Variants in SPAG1 observed in about 807,000 individuals in gnomAD.
The protein encoded by SPAG1 is sperm associated antigen 1.
Under a neutral mutation model 100.5 loss-of-function variants are expected in SPAG1, and 69 were observed. That is an observed-to-expected ratio of 0.69 (90% CI 0.57 to 0.84). The LOEUF is 0.84. Among genes scored for constraint, SPAG1 ranks in the 40% least tolerant of loss-of-function variants. The pLI, the probability that SPAG1 is intolerant of heterozygous loss-of-function variation, is 0.00. For missense variants in SPAG1, 955 were observed against 1,133.1 expected (o/e 0.84, Z 2.26); for synonymous variants, 336 against 411.6 (o/e 0.82, Z 2.22).
chr8:100,230,181 G>A (rs956616259), intron 14 of SPAG1, among the ~76,000 whole-genome samples: 12 of 152,218 alleles, frequency 7.9e-5, no homozygotes, highest in African/African-American at 2.9e-4. Flanking sequence ...AACCAAAGGA[G>A]CACAGAATGA....
chr8:100,238,619 C>G (rs1222296616), intron 16 of SPAG1, among the ~76,000 whole-genome samples: 1 of 152,184 alleles, frequency 6.6e-6, no homozygotes, highest in African/African-American at 2.4e-5. Context: ...CTTTCTTTCC[C>G]TCAACTTCTT....
rs573887485 is a variant in SPAG1 at position 100,167,495 on chromosome 8, T to C, written c.300+1522T>C. Among the ~76,000 whole-genome samples, 6 of 152,348 alleles carry C rather than the reference T, an allele frequency of 3.9e-5. No homozygotes were observed. In the East Asian group the frequency reaches 1.2e-3, roughly 29 times the overall value. On this transcript the variant is annotated intron_variant, in intron 3 of 18. Transcript: ENST00000388798. ...TATGAGCTCTCTTTCTCTCAAAATA[T>C]CTTACTGTATTGTACTCACCTATTT...
intron 8 of SPAG1, 44 bp from the exon 9 acceptor site, chr8:100,191,346 G>A (rs372164111): frequency 2.5e-5 from 33 of 1,316,116 alleles, no homozygotes; most frequent in Non-Finnish European, 3.6e-5. Context: ...TAACCATAAT[G>A]CCACATATTA....
At chr8:100,240,130 A>G (rs1365727941) in intron 17 of SPAG1, among the ~76,000 whole-genome samples, 1 of 152,246 alleles carries the variant, frequency 6.6e-6, no homozygotes, top group Non-Finnish European at 1.5e-5. Context: ...GATAAAATTG[A>G]CATAGGCATT....
intron 9 of SPAG1, among the ~76,000 whole-genome samples, chr8:100,193,434 C>T (rs1816896591): frequency 2.6e-5 from 4 of 152,004 alleles, no homozygotes; most frequent in African/African-American, 4.8e-5. Context: ...GTACTCCAGC[C>T]GGGGCAGCAG....
intron 10 of SPAG1, among the ~76,000 whole-genome samples, chr8:100,209,391 CCTGA>C (rs927846352): frequency 2.6e-4 from 38 of 146,610 alleles, no homozygotes; most frequent in African/African-American, 7.2e-4. Flanking sequence ...TAGAGAGAAC[CCTGA>C]CTAATATATC....
rs376762457 is a variant in SPAG1 at position 100,239,735 on chromosome 8, C to T, written c.2280+331C>T. Among the ~76,000 whole-genome samples the T allele has an allele frequency of 9.8e-5, 15 of 152,294 alleles. No individual in the cohort carries two copies. The highest frequency in any genetic ancestry group is 2.6e-4 in the African/African-American group (11 of 41,558). ...CCAGGGTAGACCTGGAGAATCCTGACGGGACTGATTTTGTTACAGGGGCCC... is the reference window on the plus strand; with the variant it reads ...CCAGGGTAGACCTGGAGAATCCTGATGGGACTGATTTTGTTACAGGGGCCC... On this transcript the variant is annotated intron_variant, in intron 17 of 18. Transcript: ENST00000388798. The surrounding 1 kb of genome is among the most constrained non-coding windows in gnomAD (Gnocchi z 5.0).
chr8:100,177,636 A>C (rs1032912416), intron 3 of SPAG1, among the ~76,000 whole-genome samples, 180 bp from the exon 4 acceptor site: 2 of 152,064 alleles, frequency 1.3e-5, no homozygotes, highest in African/African-American at 2.4e-5. Flanking sequence ...TTCATCTGTG[A>C]GTTTTTTCAA....
intron 10 of SPAG1, among the ~76,000 whole-genome samples, chr8:100,208,236 G>A (rs1215927577): frequency 6.6e-6 from 1 of 152,186 alleles, no homozygotes; most frequent in East Asian, 1.9e-4. Context: ...CTACCTTTAA[G>A]TCAACTGGCT....
chr8:100,165,422 T>C (rs1303607275), intron 2 of SPAG1: 1 of 430,660 alleles, frequency 2.3e-6, no homozygotes, highest in Admixed American at 2.8e-5. Context: ...CAGAGTACTT[T>C]GTACGCCAGC....
intron 13 of SPAG1, 72 bp from the exon 14 acceptor site, chr8:100,225,101 T>C: frequency 7.8e-7 from 1 of 1,288,728 alleles, no homozygotes; most frequent in Non-Finnish European, 1.1e-6. Flanking sequence ...GCAAATTTTA[T>C]TCTTAATCTG....
chr8:100,205,465 G>A (rs905542508), intron 10 of SPAG1, among the ~76,000 whole-genome samples: 2 of 152,090 alleles, frequency 1.3e-5, no homozygotes, highest in South Asian at 4.1e-4. Flanking sequence ...GACTTACAGC[G>A]GGTTCAGTGG....
chr8:100,202,005 C>T (rs1817296958), intron 10 of SPAG1, among the ~76,000 whole-genome samples: 1 of 152,154 alleles, frequency 6.6e-6, no homozygotes, highest in Non-Finnish European at 1.5e-5. Flanking sequence ...GTGAGAAGTT[C>T]TGGAGGCCCA....
intron 10 of SPAG1, among the ~76,000 whole-genome samples, chr8:100,212,173 A>G (rs1006228515): frequency 1.3e-5 from 2 of 152,206 alleles, no homozygotes; most frequent in African/African-American, 4.8e-5. Context: ...TCTTAAGGTG[A>G]TCATCCACTG....
chr8:100,205,782 C>T (rs1050832228), intron 10 of SPAG1, among the ~76,000 whole-genome samples: 4 of 151,688 alleles, frequency 2.6e-5, no homozygotes, highest in African/African-American at 4.8e-5. Context: ...TTTGGGAGGC[C>T]GAGGCGGGCA....
intron 10 of SPAG1, among the ~76,000 whole-genome samples, chr8:100,196,610 A>G (rs56107131): frequency 0.17 from 26,219 of 151,960 alleles, 2,511 homozygotes; most frequent in South Asian, 0.23. Flanking sequence ...CTTGATGCAA[A>G]GTCTTAAAAT....
intron 10 of SPAG1, among the ~76,000 whole-genome samples, chr8:100,195,476 G>C (rs1346846827): frequency 1.3e-5 from 2 of 152,104 alleles, no homozygotes; most frequent in African/African-American, 4.8e-5. Flanking sequence ...GAACAGAAAG[G>C]GAGGGAGCGA....
At chr8:100,180,829 T>C (rs1816335356) in intron 4 of SPAG1, among the ~76,000 whole-genome samples, 1 of 152,240 alleles carries the variant, frequency 6.6e-6, no homozygotes, top group Non-Finnish European at 1.5e-5. Flanking sequence ...TCATTGACCT[T>C]CTATAAATTT....
intron 12 of SPAG1, among the ~76,000 whole-genome samples, chr8:100,220,052 G>C (rs1818190822): frequency 6.6e-6 from 1 of 152,210 alleles, no homozygotes. Context: ...GGCTCAGTGG[G>C]AAAGAGTAAA....
Sources: allele counts gnomAD v4.1 joint callset (sites outside exome capture counted in the v4.1 genomes callset), GRCh38; gene constraint gnomAD v4.1.1; non-coding constraint Gnocchi (gnomAD v3.1); transcripts MANE v1.5; gene names NCBI Gene and HGNC (gene_info 2026-07-23, HGNC 2026-07-21).